The following ALDH3A1 variants were observed in gnomAD, a reference collection of about 807,000 sequenced individuals.
ALDH3A1 encodes aldehyde dehydrogenase 3 family member A1.
ALDH3A1 carries 46 observed loss-of-function variants against 49.9 expected under a neutral mutation model. The ratio of observed to expected loss-of-function variants is 0.92; its 90% confidence interval spans 0.73 to 1.18. The LOEUF (loss-of-function observed/expected upper bound fraction) is 1.18, where lower values mean the gene tolerates loss of function less well. Among genes scored for constraint, ALDH3A1 ranks in the 50% most tolerant of loss-of-function variants. The pLI, the probability that ALDH3A1 is intolerant of heterozygous loss-of-function variation, is 0.00. For synonymous variants in ALDH3A1, 269 were observed against 253.3 expected (o/e 1.06, Z -0.59); for missense variants, 592 against 611.8 (o/e 0.97, Z 0.34).
chr17:19,743,949 G>A lies in ALDH3A1; in HGVS notation c.163-486C>T. ...CTGGGCGCTCAGGGCCTCCTGTGGG[G>A]AGCAGGGGTGAGAAGAGGAGATGCA... On this transcript the variant is annotated intron_variant, in intron 2 of 10. Coordinates refer to ENST00000225740, the MANE Select transcript of ALDH3A1 (RefSeq NM_000691.5). This position sits in a 1 kb window ranked among gnomAD's most constrained non-coding sequence, Gnocchi z 4.4. 9 of 985,338 alleles carry A rather than the reference G, an allele frequency of 9.1e-6. No individual in the cohort carries two copies. Among genetic ancestry groups the A allele is most frequent in the Non-Finnish European group, 9.6e-6 (8 of 829,900 alleles). The allele number at this position is 985,338 out of a possible 1,614,324, so 61.0% of individuals were successfully genotyped here. A position where few individuals can be genotyped will look rare whatever the true frequency, so the allele number is the denominator to read the frequency against.
At chr17:19,740,215 G>C in intron 7 of ALDH3A1, 121 bp downstream of exon 7, 1 of 1,389,794 alleles carries the variant, frequency 7.2e-7, no homozygotes, top group Non-Finnish European at 9.8e-7. Context: ...CCTGGTGAAA[G>C]CAATTTATAC....
rs757253344 is a variant in ALDH3A1, at chr17:19,738,316, CT to C, written c.1347+6del. 1.7e-5 allele frequency: 27 copies of C among 1,613,176 alleles called. No homozygotes were observed. Among genetic ancestry groups the C allele is most frequent in the Non-Finnish European group, 2.2e-5 (26 of 1,179,278 alleles). ...CGGTCTCCCCCACAGCGCCTTCCCC[CT>C]CTCACCTTGGCCGGGCTCGGGGGGT... is the stretch of plus-strand genomic sequence containing the variant. On this transcript the variant is annotated splice_donor_region_variant and intron_variant, in intron 10 of 10. Coordinates refer to ENST00000225740, the MANE Select transcript of ALDH3A1 (RefSeq NM_000691.5).
chr17:19,739,834 C>T (rs181739884), intron 7 of ALDH3A1, among the ~76,000 whole-genome samples, 160 bp from the exon 8 acceptor site: 3 of 152,316 alleles, frequency 2.0e-5, no homozygotes, highest in East Asian at 1.9e-4. Flanking sequence ...TAGGCACCTG[C>T]GTCCTGGATG....
Position 19,738,081 on chromosome 17 carries a change from G to A in ALDH3A1, c.*140C>T. On this transcript the variant is annotated 3_prime_UTR_variant, in exon 11 of 11. Coordinates refer to ENST00000225740, the MANE Select transcript of ALDH3A1 (RefSeq NM_000691.5). ...CTGGGCCCATGTGGGAGTGGGGTGT[G>A]CACAGGTCAGCAGGTCAGCAGAGGA... The A allele has an allele frequency of 6.3e-7, 1 of 1,576,254 alleles. No homozygotes were observed. The highest frequency in any genetic ancestry group is 8.6e-7 in the Non-Finnish European group (1 of 1,168,628).
intron 1 of ALDH3A1, among the ~76,000 whole-genome samples, chr17:19,747,119 T>C (rs2086611390): frequency 6.6e-6 from 1 of 152,260 alleles, no homozygotes; most frequent in Middle Eastern, 3.4e-3. Context: ...GTATTTCCAT[T>C]TTTTTAAAAA....
intron 8 of ALDH3A1, 86 bp from the exon 9 acceptor site, chr17:19,739,181 G>C: frequency 8.2e-7 from 1 of 1,220,958 alleles, no homozygotes; most frequent in Non-Finnish European, 1.2e-6. Flanking sequence ...GTATAGCCTG[G>C]AGCCACAAGG....
chr17:19,745,149 C>T lies in ALDH3A1; in HGVS notation c.-5-15G>A, dbSNP rs371701018. ...GCTCATGGCGCCTGGGGACAGAGAG[C>T]ACCTGCAGCTGGCTGAGGGGCACGA... On this transcript the variant is annotated splice_polypyrimidine_tract_variant and intron_variant, in intron 1 of 10. Transcript: ENST00000225740. 4.5e-6 allele frequency: 7 copies of T among 1,553,358 alleles called. No homozygotes were observed. Among genetic ancestry groups the T allele is most frequent in the African/African-American group, 4.2e-5 (3 of 71,764 alleles).
intron 8 of ALDH3A1, 53 bp downstream of exon 8, chr17:19,739,455 A>C: frequency 6.4e-7 from 1 of 1,565,894 alleles, no homozygotes; most frequent in East Asian, 2.3e-5. Flanking sequence ...GTTTGAACCC[A>C]GGTCTGTGGG....
intron 8 of ALDH3A1, 146 bp downstream of exon 8, chr17:19,739,362 G>T: frequency 9.7e-7 from 1 of 1,034,370 alleles, no homozygotes; most frequent in Non-Finnish European, 1.4e-6. Flanking sequence ...CTGCTGTCCT[G>T]ATCTTACAGA....
intron 5 of ALDH3A1, 160 bp from the exon 6 acceptor site, chr17:19,741,370 A>G: frequency 1.7e-6 from 1 of 599,390 alleles, no homozygotes; most frequent in Non-Finnish European, 3.0e-6. Context: ...CACTGGACCG[A>G]GCAGACCCAA....
At chr17:19,746,061 G>C (rs1197690038) in intron 1 of ALDH3A1, among the ~76,000 whole-genome samples, 4 of 152,168 alleles carry the variant, frequency 2.6e-5, no homozygotes, top group Non-Finnish European at 4.4e-5. Context: ...TCTGCACCAG[G>C]GGTGTCTCAG....
intron 1 of ALDH3A1, among the ~76,000 whole-genome samples, chr17:19,746,598 A>G (rs2086597180): frequency 6.6e-6 from 1 of 151,944 alleles, no homozygotes; most frequent in Non-Finnish European, 1.5e-5. Context: ...CAACAGATGT[A>G]CCAGGCGTGT....
chr17:19,744,069 G>C (rs2086553856), intron 2 of ALDH3A1: 1 of 985,268 alleles, frequency 1.0e-6, no homozygotes, highest in African/African-American at 1.7e-5. Flanking sequence ...GTTGTTTCTG[G>C]TTTAAGATGA....
chr17:19,740,805 A>G (rs2086477900), intron 6 of ALDH3A1, among the ~76,000 whole-genome samples: 1 of 152,032 alleles, frequency 6.6e-6, no homozygotes, highest in South Asian at 2.1e-4. Context: ...ACAGGCATGC[A>G]CCACCATGCC....
chr17:19,745,633 GAA>G (rs1861469289), intron 1 of ALDH3A1: 1 of 152,764 alleles, frequency 6.5e-6, no homozygotes, highest in African/African-American at 2.4e-5. Context: ...TGGCAGAGCT[GAA>G]CCAGGCTTGG....
chr17:19,740,913 C>G (rs3786036), intron 6 of ALDH3A1, among the ~76,000 whole-genome samples, 180 bp downstream of exon 6: 52,795 of 152,152 alleles, frequency 0.35, 10,087 homozygotes, highest in East Asian at 0.52. Context: ...TGATCCTCCA[C>G]TCTCTACCTC....
intron 2 of ALDH3A1, chr17:19,744,006 T>G: frequency 2.0e-6 from 2 of 985,346 alleles, no homozygotes; most frequent in Non-Finnish European, 2.4e-6. Context: ...TTTATAAACT[T>G]GGGCTGTGAA....
At position 19,742,222 on chromosome 17, in the gene ALDH3A1, A is replaced by G. The variant is rs1567652934; in HGVS notation, c.481-10T>C. ...TTACTGGGTACAGATCCTTCCATGC[A>G]AGGAGAGAGGGGAGGCTCAGCAAAG... On this transcript the variant is annotated splice_polypyrimidine_tract_variant and intron_variant, in intron 4 of 10. Transcript: ENST00000225740. 6.2e-7 allele frequency: 1 copy of G among 1,613,360 alleles called. No individual in the cohort carries two copies. The highest frequency in any genetic ancestry group is 8.5e-7 in the Non-Finnish European group (1 of 1,179,500).
chr17:19,739,586 G>A lies in ALDH3A1; in HGVS notation c.1038C>T (p.Arg346=). 1.2e-6 allele frequency: 2 copies of A among 1,613,922 alleles called. No homozygotes were observed. Among genetic ancestry groups the A allele is most frequent in the African/African-American group, 1.3e-5 (1 of 75,072 alleles). ...TGAACTGGATGGCCTCCTCCAGGCT[G>A]CGCACGCACACGATGGGCAGCACAG... The part of the protein sequence containing the change: ...FGPVLPIVCV[R]SLEEAIQFIN... The change falls in exon 8 of 11, where the codon CGC becomes CGT. Residue 346 remains arginine, a synonymous_variant. Transcript: ENST00000225740.
Sources: allele counts gnomAD v4.1 joint callset (sites outside exome capture counted in the v4.1 genomes callset), GRCh38; gene constraint gnomAD v4.1.1; non-coding constraint Gnocchi (gnomAD v3.1); transcripts MANE v1.5; gene names NCBI Gene and HGNC (gene_info 2026-07-23, HGNC 2026-07-21).